The following LTBP1 variants were observed in gnomAD, a reference collection of about 807,000 sequenced individuals.
LTBP1 encodes latent-transforming growth factor beta-binding protein 1.
Under a neutral mutation model 207.6 loss-of-function variants are expected in LTBP1, and 129 were observed. The observed-to-expected ratio is 0.62, with a 90% CI of 0.54 to 0.72. The LOEUF (loss-of-function observed/expected upper bound fraction) is 0.72, where lower values mean the gene tolerates loss of function less well. Ranked by LOEUF, LTBP1 falls within the 30% of genes least tolerant of loss-of-function variation. The pLI, the probability that LTBP1 is intolerant of heterozygous loss-of-function variation, is 0.00. For synonymous variants in LTBP1, 963 were observed against 833.7 expected, an observed-to-expected ratio of 1.16 and a Z score of -2.67; for missense variants, 2,281 against 2,217.2, an observed-to-expected ratio of 1.03 and a Z score of -0.58.
At chr2:33,281,520 G>GT (rs1573595192) in intron 19 of LTBP1, among the ~76,000 whole-genome samples, 1 of 152,152 alleles carries the variant, frequency 6.6e-6, no homozygotes, top group Non-Finnish European at 1.5e-5. Context: ...TAAAACTGAC[G>GT]GTCTTCATTC....
chr2:33,364,578 T>G (rs190789732), intron 30 of LTBP1, among the ~76,000 whole-genome samples: 31 of 152,334 alleles, frequency 2.0e-4, no homozygotes, highest in Non-Finnish European at 4.4e-4. Context: ...GTATGGACTA[T>G]GGAGTGGCTG....
At chr2:33,293,995 CT>C (rs71409607) in intron 20 of LTBP1, among the ~76,000 whole-genome samples, 345 of 48,798 alleles carry the variant, frequency 7.1e-3, no homozygotes, top group African/African-American at 0.027. Context: ...TGGTACAGGT[CT>C]TTTTTTTTTT....
At chr2:33,154,189 A>G (rs2083768835) in intron 5 of LTBP1, among the ~76,000 whole-genome samples, 2 of 152,188 alleles carry the variant, frequency 1.3e-5, no homozygotes, top group Non-Finnish European at 2.9e-5. Context: ...AAATTACATT[A>G]GCTAGGCCTG....
chr2:32,982,805 C>T (rs1400844492), intron 2 of LTBP1, among the ~76,000 whole-genome samples: 4 of 152,200 alleles, frequency 2.6e-5, no homozygotes, highest in Non-Finnish European at 5.9e-5. Context: ...GGTTTGGGAA[C>T]CTCCGCCTAG....
At chr2:33,159,926 G>T (rs1176702331) in intron 5 of LTBP1, among the ~76,000 whole-genome samples, 1 of 152,078 alleles carries the variant, frequency 6.6e-6, no homozygotes, top group Non-Finnish European at 1.5e-5. Flanking sequence ...CTGTTGCCCA[G>T]GCTGGAGTGC....
In LTBP1 at chr2:33,126,449, G is replaced by A. The variant is rs955180259; in HGVS notation, c.1034-8344G>A. 5.3e-5 allele frequency among the ~76,000 whole-genome samples: 8 copies of A among 152,262 alleles called. No homozygotes were observed. In the East Asian group the frequency reaches 1.2e-3, roughly 22 times the overall value. ...TAGATTTCACCTCTTAAAGATAGAAGTATCAGGGAATTTGTGGACATATTT... is the reference window on the plus strand; with the variant it reads ...TAGATTTCACCTCTTAAAGATAGAAATATCAGGGAATTTGTGGACATATTT... On this transcript the variant is annotated intron_variant, in intron 4 of 33. Coordinates refer to ENST00000404816, the MANE Select transcript of LTBP1 (RefSeq NM_206943.4).
In LTBP1 at chr2:33,017,622, T is replaced by C. The variant is rs559486756; in HGVS notation, c.566-3287T>C. ...GGACATGAGTTGTTTTGTTTTGTTT[T>C]GTTTTGTTTTTTGAGATGGAGTCTT... On this transcript the variant is annotated intron_variant, in intron 2 of 33. Coordinates refer to ENST00000404816, the MANE Select transcript of LTBP1 (RefSeq NM_206943.4). Among the ~76,000 whole-genome samples the C allele has an allele frequency of 8.1e-3, 1,228 of 152,268 alleles. 11 individuals are homozygous for C. Among genetic ancestry groups the C allele is most frequent in the African/African-American group, 0.026 (1,094 of 41,534 alleles).
At chr2:32,971,933 CT>C (rs1348936145) in intron 2 of LTBP1, among the ~76,000 whole-genome samples, 1 of 152,032 alleles carries the variant, frequency 6.6e-6, no homozygotes, top group Non-Finnish European at 1.5e-5. Context: ...TGGTGTTGGA[CT>C]TTTTCTGGTT....
chr2:33,274,430 A>G (rs2093383848), intron 16 of LTBP1, among the ~76,000 whole-genome samples: 1 of 152,102 alleles, frequency 6.6e-6, no homozygotes, highest in African/African-American at 2.4e-5. Flanking sequence ...CTTCTTTAGT[A>G]TATGTGAATT....
At chr2:33,386,560 C>T (rs1324943110) in intron 31 of LTBP1, among the ~76,000 whole-genome samples, 3 of 152,192 alleles carry the variant, frequency 2.0e-5, no homozygotes, top group Admixed American at 1.3e-4. Context: ...CACGGCAGCT[C>T]GCACCTGTAA....
intron 3 of LTBP1, among the ~76,000 whole-genome samples, chr2:33,072,802 A>G (rs2077864937): frequency 6.6e-6 from 1 of 152,204 alleles, no homozygotes; most frequent in South Asian, 2.1e-4. Context: ...GGCAGAGGGA[A>G]AAAGTTATGG....
At chr2:33,144,314 G>C (rs554402132) in intron 5 of LTBP1, among the ~76,000 whole-genome samples, 1 of 152,178 alleles carries the variant, frequency 6.6e-6, no homozygotes, top group African/African-American at 2.4e-5. Flanking sequence ...GCTTGCTGTG[G>C]GTAGGTTAGA....
intron 32 of LTBP1, among the ~76,000 whole-genome samples, chr2:33,390,545 G>A (rs559549282): frequency 2.0e-5 from 3 of 151,804 alleles, no homozygotes; most frequent in Admixed American, 2.0e-4. Context: ...CTGGAGTGCA[G>A]TGCCATGATC....
chr2:33,256,743 T>C (rs1175911227), intron 11 of LTBP1, among the ~76,000 whole-genome samples: 1 of 52,876 alleles, frequency 1.9e-5, no homozygotes, highest in Admixed American at 2.0e-4. Flanking sequence ...TATATATATA[T>C]ATATATATAT....
intron 3 of LTBP1, among the ~76,000 whole-genome samples, chr2:33,079,738 C>T (rs968384909): frequency 2.0e-5 from 3 of 152,150 alleles, no homozygotes; most frequent in African/African-American, 7.2e-5. Flanking sequence ...GATGGAGCCA[C>T]CTGGGGCCAT....
chr2:32,980,877 C>A (rs963926527), intron 2 of LTBP1, among the ~76,000 whole-genome samples: 2 of 152,170 alleles, frequency 1.3e-5, no homozygotes, highest in African/African-American at 4.8e-5. Context: ...GATTTTCTTT[C>A]AGGACTTTAA....
rs112357733 is a variant in LTBP1, at chr2:33,149,654, A to G, written c.1201+14694A>G. Among the ~76,000 whole-genome samples the G allele has an allele frequency of 1.3e-3, 204 of 152,304 alleles. 2 individuals carry two copies. The highest frequency in any genetic ancestry group is 4.9e-3 in the African/African-American group (202 of 41,566). ...GGTGCAAGGATTGAGATGGTTTGGGATGTGATGGGCCTTCATTCTGAAGAT... is the reference window on the plus strand; with the variant it reads ...GGTGCAAGGATTGAGATGGTTTGGGGTGTGATGGGCCTTCATTCTGAAGAT... On this transcript the variant is annotated intron_variant, in intron 5 of 33. Coordinates refer to ENST00000404816, the MANE Select transcript of LTBP1 (RefSeq NM_206943.4).
chr2:33,107,158 G>A (rs1187360333), intron 3 of LTBP1, among the ~76,000 whole-genome samples: 1 of 152,220 alleles, frequency 6.6e-6, no homozygotes, highest in African/African-American at 2.4e-5. Context: ...AAGAGAACAC[G>A]TCAGGGTGCC....
intron 20 of LTBP1, among the ~76,000 whole-genome samples, chr2:33,298,177 G>C (rs1017330085): frequency 5.9e-5 from 9 of 152,120 alleles, no homozygotes; most frequent in African/African-American, 2.2e-4. Context: ...CATTAGAAAA[G>C]AAAAATATTT....
Sources: gnomAD v4.1 joint callset for allele counts (sites outside exome capture counted in the v4.1 genomes callset) on GRCh38, gnomAD v4.1.1 for gene constraint, MANE v1.5 for transcripts, NCBI Gene and HGNC (gene_info 2026-07-23, HGNC 2026-07-21) for gene names.